The following PRKG1 variants were observed in gnomAD, a reference collection of about 807,000 sequenced individuals.
PRKG1 encodes cGMP-dependent protein kinase 1.
In PRKG1, 35 loss-of-function variants were observed where a neutral mutation model predicts 88.1. The observed-to-expected ratio is 0.40, with a 90% CI of 0.30 to 0.53. The LOEUF (loss-of-function observed/expected upper bound fraction) is 0.53. Ranked by LOEUF, PRKG1 falls within the 20% of genes least tolerant of loss-of-function variation. The pLI, the probability that PRKG1 is intolerant of heterozygous loss-of-function variation, is 0.59. For missense variants in PRKG1, 540 were observed against 839.8 expected (o/e 0.64, Z 4.41); for synonymous variants, 303 against 292.5 (o/e 1.04, Z -0.37).
chr10:51,635,986 C>A (rs1324015615), intron 3 of PRKG1, among the ~76,000 whole-genome samples: 1 of 151,944 alleles, frequency 6.6e-6, no homozygotes, highest in Non-Finnish European at 1.5e-5. Flanking sequence ...TAAAGGGGTA[C>A]CTTGGTTGAA....
chr10:51,241,870 A>G (rs922658723), intron 2 of PRKG1, among the ~76,000 whole-genome samples: 2 of 152,092 alleles, frequency 1.3e-5, no homozygotes, highest in African/African-American at 4.8e-5. Flanking sequence ...TCCAAAGCCA[A>G]TTTCAAAACT....
At chr10:52,024,956 A>G (rs1477827320) in intron 5 of PRKG1, among the ~76,000 whole-genome samples, 1 of 152,206 alleles carries the variant, frequency 6.6e-6, no homozygotes, top group Non-Finnish European at 1.5e-5. Flanking sequence ...ACAGTGTAAA[A>G]GCATTCCTAT....
chr10:51,618,094 G>A (rs769522625), intron 3 of PRKG1, among the ~76,000 whole-genome samples: 1 of 152,252 alleles, frequency 6.6e-6, no homozygotes, highest in Non-Finnish European at 1.5e-5. Context: ...GGTTCAGAGC[G>A]TCTGGCTACA....
chr10:51,147,643 A>T (rs1845974259), intron 1 of PRKG1, among the ~76,000 whole-genome samples: 1 of 152,226 alleles, frequency 6.6e-6, no homozygotes. Flanking sequence ...ATTGGTAAAT[A>T]TTACAATGTA....
intron 5 of PRKG1, among the ~76,000 whole-genome samples, chr10:52,027,363 A>G (rs1281451207): frequency 6.6e-6 from 1 of 152,100 alleles, no homozygotes; most frequent in Non-Finnish European, 1.5e-5. Context: ...TTTTCCATTA[A>G]TTGGCACGGA....
chr10:52,101,675 A>T (rs551624865), intron 7 of PRKG1, among the ~76,000 whole-genome samples: 1 of 152,202 alleles, frequency 6.6e-6, no homozygotes, highest in Non-Finnish European at 1.5e-5. Flanking sequence ...TATTTTATCA[A>T]TAAGACAGCT....
chr10:51,902,895 T>C (rs1029520964), intron 4 of PRKG1, among the ~76,000 whole-genome samples: 1 of 152,208 alleles, frequency 6.6e-6, no homozygotes, highest in Non-Finnish European at 1.5e-5. Context: ...GTTTTGACCT[T>C]TGAAGACCCA....
chr10:51,495,519 A>C (rs1057020569), intron 3 of PRKG1, among the ~76,000 whole-genome samples: 2 of 152,226 alleles, frequency 1.3e-5, no homozygotes, highest in African/African-American at 4.8e-5. Context: ...CAAGAACTTC[A>C]AGGAAAGACG....
Position 51,762,420 on chromosome 10 carries a change from A to G in PRKG1, c.593-42165A>G, listed in dbSNP as rs762987418. ...CTTATTGATTGGGTATACCTGAGAC[A>G]CAGGTGTATTATAAAACATTCAACT... On this transcript the variant is annotated intron_variant, in intron 3 of 17. Transcript: ENST00000373980. Among the ~76,000 whole-genome samples the G allele has an allele frequency of 1.0e-3, 152 of 152,312 alleles. 2 individuals carry two copies. In the Middle Eastern group the frequency reaches 0.017, roughly 17 times the overall value.
At chr10:51,493,732 C>A (rs941037724) in intron 3 of PRKG1, among the ~76,000 whole-genome samples, 1 of 151,760 alleles carries the variant, frequency 6.6e-6, no homozygotes, top group Non-Finnish European at 1.5e-5. Context: ...TTTGACCCTG[C>A]CTAAGACCAT....
At chr10:52,253,112 G>A (rs1172142919) in intron 10 of PRKG1, among the ~76,000 whole-genome samples, 1 of 151,936 alleles carries the variant, frequency 6.6e-6, no homozygotes, top group Non-Finnish European at 1.5e-5. Context: ...TTCTAAAACA[G>A]TCTCCAAATG....
intron 7 of PRKG1, among the ~76,000 whole-genome samples, chr10:52,107,269 AT>A (rs1847449024): frequency 6.6e-6 from 1 of 152,244 alleles, no homozygotes; most frequent in Non-Finnish European, 1.5e-5. Flanking sequence ...TACCTCAAAA[AT>A]CCTCTTTTGA....
chr10:51,271,233 T>C (rs1402376696), intron 2 of PRKG1, among the ~76,000 whole-genome samples: 1 of 152,104 alleles, frequency 6.6e-6, no homozygotes, highest in Non-Finnish European at 1.5e-5. Context: ...TTATTGGCTA[T>C]TTTATCCTAT....
upstream of PRKG1, among the ~76,000 whole-genome samples, chr10:51,073,087 GTCTTAAGCAAATATTAGGGAT>G (rs1843857559): frequency 6.6e-6 from 1 of 152,190 alleles, no homozygotes; most frequent in Non-Finnish European, 1.5e-5. Flanking sequence ...AGTTCGTAAT[GTCTTAAGCAAATATTAGGGAT>G]TTAGGTACGT....
intron 3 of PRKG1, among the ~76,000 whole-genome samples, chr10:51,519,454 A>G (rs921222554): frequency 5.3e-5 from 8 of 152,192 alleles, no homozygotes; most frequent in East Asian, 1.9e-4. Flanking sequence ...AACAAATCTA[A>G]GAACTTTCTT....
intron 4 of PRKG1, among the ~76,000 whole-genome samples, chr10:51,813,680 T>C (rs1443964788): frequency 6.6e-6 from 1 of 152,146 alleles, no homozygotes; most frequent in Non-Finnish European, 1.5e-5. Context: ...CTCAATAAAT[T>C]CTGGATACCC....
At chr10:52,164,214 G>T (rs2132693323) in intron 9 of PRKG1, among the ~76,000 whole-genome samples, 1 of 152,110 alleles carries the variant, frequency 6.6e-6, no homozygotes, top group East Asian at 1.9e-4. Context: ...AGCCAGGCGT[G>T]GTGGTGGGCA....
chr10:51,006,485 G>A (rs936117436), intron 1 of PRKG1, among the ~76,000 whole-genome samples: 6 of 152,058 alleles, frequency 3.9e-5, no homozygotes. Context: ...AAATATATAA[G>A]AACTTTTAAC....
chr10:51,664,733 A>G (rs1840381988), intron 3 of PRKG1, among the ~76,000 whole-genome samples: 1 of 152,198 alleles, frequency 6.6e-6, no homozygotes, highest in African/African-American at 2.4e-5. Context: ...AACCAAACCA[A>G]TCTGATCTAA....
Sources: allele counts gnomAD v4.1 joint callset (sites outside exome capture counted in the v4.1 genomes callset), GRCh38; gene constraint gnomAD v4.1.1; transcripts MANE v1.5; gene names NCBI Gene and HGNC (gene_info 2026-07-23, HGNC 2026-07-21).